MRPL37: variants seen among roughly 807,000 people sequenced by gnomAD.
The protein encoded by MRPL37 is large ribosomal subunit protein mL37.
MRPL37 carries 34 observed loss-of-function variants against 44.1 expected under a neutral mutation model. The observed-to-expected ratio is 0.77, with a 90% CI of 0.59 to 1.03. The LOEUF is 1.03. Among genes scored for constraint, MRPL37 ranks in the 50% least tolerant of loss-of-function variants. The pLI, the probability that MRPL37 is intolerant of heterozygous loss-of-function variation, is 0.00. For synonymous variants in MRPL37, 212 were observed against 219.5 expected, an observed-to-expected ratio of 0.97 and a Z score of 0.30; for missense variants, 532 against 543.7, an observed-to-expected ratio of 0.98 and a Z score of 0.21.
intron 1 of MRPL37, among the ~76,000 whole-genome samples, chr1:54,202,066 G>A (rs908738598): frequency 2.0e-5 from 3 of 150,662 alleles, no homozygotes; most frequent in African/African-American, 7.3e-5. Flanking sequence ...ACAGTGGCAT[G>A]ATCGTGCCTC....
At chr1:54,202,185 G>A (rs764006017) in intron 1 of MRPL37, among the ~76,000 whole-genome samples, 6 of 151,768 alleles carry the variant, frequency 4.0e-5, no homozygotes, top group Non-Finnish European at 5.9e-5. Context: ...AATTATTTGT[G>A]AAGAGGAGGT....
chr1:54,203,085 G>C lies in MRPL37; in HGVS notation c.347-1933G>C, dbSNP rs531830392. 5.2e-4 allele frequency among the ~76,000 whole-genome samples: 79 copies of C among 152,308 alleles called. 2 individuals are homozygous for C. The Middle Eastern group carries it at 0.024, about 46-fold the overall frequency. ...ACCACAGCCCATCCCACTGAGAGTA[G>C]CTAAGTTTCTTTAATGTTTAAAGAC... On this transcript the variant is annotated intron_variant, in intron 1 of 6. Transcript: ENST00000360840.
At chr1:54,210,429 A>G (rs540255395) in intron 4 of MRPL37, among the ~76,000 whole-genome samples, 40 of 152,202 alleles carry the variant, frequency 2.6e-4, no homozygotes, top group African/African-American at 9.4e-4. Context: ...TTCTTCAGCA[A>G]ACTGTATCAT....
downstream of MRPL37, among the ~76,000 whole-genome samples, chr1:54,219,853 C>G (rs1366689111): frequency 6.6e-6 from 1 of 152,210 alleles, no homozygotes; most frequent in Non-Finnish European, 1.5e-5. Flanking sequence ...CCTGATGTCT[C>G]TGGATTGTAG....
chr1:54,213,254 G>A (rs3766456), intron 5 of MRPL37, among the ~76,000 whole-genome samples: 2,401 of 152,320 alleles, frequency 0.016, 52 homozygotes, highest in East Asian at 0.07. Context: ...GGAAAGCCTG[G>A]CTCTGGGAGC....
intron 5 of MRPL37, among the ~76,000 whole-genome samples, chr1:54,213,309 G>T (rs976947217): frequency 6.6e-6 from 1 of 152,232 alleles, no homozygotes; most frequent in Non-Finnish European, 1.5e-5. Context: ...CCCTCAAGCA[G>T]GCCTGGGACA....
At position 54,214,604 on chromosome 1, in the gene MRPL37, C is replaced by G. The variant is rs370399718; in HGVS notation, c.991-1537C>G. Among the ~76,000 whole-genome samples, 3 of 152,282 alleles carry G rather than the reference C, an allele frequency of 2.0e-5. No individual in the cohort carries two copies. In the South Asian group the frequency reaches 6.2e-4, roughly 32 times the overall value. On this transcript the variant is annotated intron_variant, in intron 5 of 6. Transcript: ENST00000360840. ...GGCAGAGATAGTCACAACCCTGGTCCCAGGCCTGCAGACTCGCTGTAGCCT... is the reference window on the plus strand; with the variant it reads ...GGCAGAGATAGTCACAACCCTGGTCGCAGGCCTGCAGACTCGCTGTAGCCT...
chr1:54,216,597 G>A (rs1439283128), intron 6 of MRPL37, among the ~76,000 whole-genome samples: 1 of 152,222 alleles, frequency 6.6e-6, no homozygotes, highest in Non-Finnish European at 1.5e-5. Context: ...AGGGTGCTCT[G>A]CGGCTTCATT....
intron 6 of MRPL37, among the ~76,000 whole-genome samples, chr1:54,216,721 G>A (rs1388443519): frequency 6.6e-6 from 1 of 152,104 alleles, no homozygotes; most frequent in Non-Finnish European, 1.5e-5. Context: ...TTTAGCATAA[G>A]TGTTTCTTAT....
At chr1:54,208,995 G>C (rs35503331) in intron 3 of MRPL37, among the ~76,000 whole-genome samples, 2,087 of 152,312 alleles carry the variant, frequency 0.014, 48 homozygotes, top group African/African-American at 0.048. Context: ...TGCTGCAGTT[G>C]AGAATCTCTG....
At chr1:54,220,727 C>T (rs1267833190), downstream of MRPL37, 3 of 471,254 alleles carry the variant, frequency 6.4e-6, no homozygotes, top group Non-Finnish European at 1.3e-5. Flanking sequence ...GCCTCCCGCC[C>T]AGTACAGGCT....
At chr1:54,205,731 C>T (rs1020205380) in intron 3 of MRPL37, among the ~76,000 whole-genome samples, 5 of 152,250 alleles carry the variant, frequency 3.3e-5, no homozygotes, top group Non-Finnish European at 5.9e-5. Context: ...TCCGCCCTCA[C>T]AATGCTCATA....
At position 54,210,120 on chromosome 1, in the gene MRPL37, A is replaced by G; in HGVS notation, c.821A>G (p.Lys274Arg). Residue 274 changes from lysine (K) to arginine (R), a missense_variant, in exon 4 of 7, where the codon AAA becomes AGA. Transcript: ENST00000360840. The stretch of plus-strand genomic sequence containing the variant: ...CATGAATGCAATATTTATGATGTGA[A>G]AAATGACACAGGTAAGGATCAATGT... Reference protein sequence around the residue: ...DLHECNIYDVKNDTGFQEGYP... With the variant: ...DLHECNIYDVRNDTGFQEGYP... The G allele has an allele frequency of 6.2e-7, 1 of 1,613,970 alleles. No homozygotes were observed. The highest frequency in any genetic ancestry group is 8.5e-7 in the Non-Finnish European group (1 of 1,179,850).
downstream of MRPL37, among the ~76,000 whole-genome samples, chr1:54,222,056 G>C (rs577393250): frequency 6.6e-6 from 1 of 152,324 alleles, no homozygotes; most frequent in South Asian, 2.1e-4. Context: ...CCATAGGGAG[G>C]GGTGCCACTG....
chr1:54,221,654 C>CAA (rs1644234980), downstream of MRPL37, among the ~76,000 whole-genome samples: 1 of 152,150 alleles, frequency 6.6e-6, no homozygotes, highest in Non-Finnish European at 1.5e-5. Flanking sequence ...ATCACACTCC[C>CAA]ACACATGCAG....
chr1:54,204,641 T>C (rs35577026), intron 1 of MRPL37, among the ~76,000 whole-genome samples: 1,939 of 152,320 alleles, frequency 0.013, 41 homozygotes, highest in African/African-American at 0.044. Flanking sequence ...TGTGGGTTAT[T>C]AGAAAGGATC....
downstream of MRPL37, chr1:54,220,706 G>A (rs762316735): frequency 6.4e-6 from 3 of 471,288 alleles, no homozygotes; most frequent in Non-Finnish European, 1.3e-5. Flanking sequence ...GGAACTTGAG[G>A]GCCTCAGCCA....
At chr1:54,210,165 TGGA>T (rs753094892) in intron 4 of MRPL37, 34 bp downstream of exon 4, 4 of 1,594,724 alleles carry the variant, frequency 2.5e-6, no homozygotes, top group African/African-American at 1.3e-5. Context: ...TTAGGCAGTG[TGGA>T]GGAGAAGGAC....
downstream of MRPL37, among the ~76,000 whole-genome samples, chr1:54,218,748 C>G (rs1644214745): frequency 6.6e-6 from 1 of 152,198 alleles, no homozygotes; most frequent in Admixed American, 6.5e-5. Context: ...GCAAGTACAC[C>G]CCTGGTTCAG....
Sources: gnomAD v4.1 joint callset for allele counts (sites outside exome capture counted in the v4.1 genomes callset) on GRCh38, gnomAD v4.1.1 for gene constraint, MANE v1.5 for transcripts, NCBI Gene and HGNC (gene_info 2026-07-23, HGNC 2026-07-21) for gene names.